The following RIMBP2 variants were observed in gnomAD, a reference collection of about 807,000 sequenced individuals.
The protein encoded by RIMBP2 is RIMS-binding protein 2.
In RIMBP2, 48 loss-of-function variants were observed where a neutral mutation model predicts 118.6. That is an observed-to-expected ratio of 0.40 (90% CI 0.32 to 0.51). The LOEUF (loss-of-function observed/expected upper bound fraction) is 0.51. Ranked by LOEUF, RIMBP2 falls within the 20% of genes least tolerant of loss-of-function variation. RIMBP2 has a pLI of 0.41. For missense variants in RIMBP2, 1,551 were observed against 1,768.3 expected (o/e 0.88, Z 2.20); for synonymous variants, 762 against 742.9 (o/e 1.03, Z -0.42).
chr12:130,657,700 C>CG (rs1255661130), intron 1 of RIMBP2: 4 of 76,354 alleles, frequency 5.2e-5, no homozygotes, highest in African/African-American at 9.1e-5. Flanking sequence ...GCCCCAGCTG[C>CG]GGGGGGCAGT....
At chr12:130,584,559 C>T (rs973074473) in intron 2 of RIMBP2, among the ~76,000 whole-genome samples, 5 of 151,960 alleles carry the variant, frequency 3.3e-5, no homozygotes, top group African/African-American at 1.2e-4. Flanking sequence ...ACATCACCAC[C>T]ATCACCTCAT....
chr12:130,424,396 C>T lies in RIMBP2; in HGVS notation c.2875G>A (p.Ala959Thr), dbSNP rs2076628996. 9.7e-6 allele frequency: 12 copies of T among 1,232,610 alleles called. No individual in the cohort carries two copies. In the South Asian group the frequency reaches 3.3e-4, roughly 34 times the overall value. The allele number at this position is 1,232,610 out of a possible 1,614,324, so 76.4% of individuals were successfully genotyped here. Residue 959 changes from alanine to threonine, a missense_variant, in exon 16 of 23, where the codon GCC becomes ACC. Around this residue, in one of 5 missense-constraint regions of RIMBP2, gnomAD observed 1,038 missense variants for 1,125.1 expected, o/e 0.92. Coordinates refer to ENST00000690449, the MANE Select transcript of RIMBP2 (RefSeq NM_001393629.1). This position sits in a 1 kb window ranked among gnomAD's most constrained non-coding sequence, Gnocchi z 9.8. ...TGCCGGGTCAGCGTCCGCCGCCGGG[C>T]CAGCAGCGGCCTCGGGCCCCTCCTG... ...PCRRGPRPLL[A>T]RRRTLTRQSS...
intron 1 of RIMBP2, among the ~76,000 whole-genome samples, chr12:130,634,555 A>G (rs1407072845): frequency 2.0e-5 from 3 of 151,480 alleles, no homozygotes; most frequent in Non-Finnish European, 2.9e-5. Context: ...AGCACGTCAC[A>G]TCATCCAATG....
rs916828480 is a variant in RIMBP2, at chr12:130,683,298, C to T, written c.-352+32924G>A. On this transcript the variant is annotated intron_variant, in intron 1 of 22. Coordinates refer to ENST00000690449, the MANE Select transcript of RIMBP2 (RefSeq NM_001393629.1). This position sits in a 1 kb window ranked among gnomAD's most constrained non-coding sequence, Gnocchi z 4.4. The stretch of plus-strand genomic sequence containing the variant: ...AAGGATGCCAAGGACAGCCGGGGAA[C>T]GCAGGGAGCCAGGCTCCCCACAGAG... Among the ~76,000 whole-genome samples, 7 of 152,176 alleles carry T rather than the reference C, an allele frequency of 4.6e-5. No homozygotes were observed. Among genetic ancestry groups the T allele is most frequent in the Admixed American group, 1.3e-4 (2 of 15,280 alleles).
intron 2 of RIMBP2, among the ~76,000 whole-genome samples, chr12:130,592,868 C>T (rs1415455636): frequency 6.6e-6 from 1 of 152,100 alleles, no homozygotes; most frequent in East Asian, 1.9e-4. Flanking sequence ...TGGTGAGGAT[C>T]CGGGCTGCGA....
intron 19 of RIMBP2, 100 bp downstream of exon 19, chr12:130,412,519 A>AT: frequency 9.2e-7 from 1 of 1,090,826 alleles, no homozygotes; most frequent in East Asian, 2.4e-5. Flanking sequence ...TATTTAAATG[A>AT]TGCAATTTGG....
intron 2 of RIMBP2, among the ~76,000 whole-genome samples, chr12:130,562,436 C>A (rs2056891193): frequency 6.6e-6 from 1 of 152,236 alleles, no homozygotes; most frequent in Non-Finnish European, 1.5e-5. Flanking sequence ...CTGGCTTCTA[C>A]TCTTTTCTGT....
intron 1 of RIMBP2, among the ~76,000 whole-genome samples, chr12:130,691,567 A>G (rs1167537574): frequency 6.6e-6 from 1 of 152,164 alleles, no homozygotes; most frequent in Non-Finnish European, 1.5e-5. Context: ...GCTACTTGGG[A>G]GGCTCAGATG....
intron 15 of RIMBP2, chr12:130,425,168 A>G (rs1176311246): frequency 3.8e-6 from 1 of 266,252 alleles, no homozygotes; most frequent in Middle Eastern, 1.1e-3. Context: ...ATCAGGCCCC[A>G]CAGTGCCCAC....
chr12:130,532,613 G>A (rs1369904113), intron 2 of RIMBP2, among the ~76,000 whole-genome samples: 1 of 144,452 alleles, frequency 6.9e-6, no homozygotes, highest in Non-Finnish European at 1.5e-5. Flanking sequence ...AATGAGATGC[G>A]TATGCTTAGC....
At chr12:130,589,593 C>G (rs2059130408) in intron 2 of RIMBP2, among the ~76,000 whole-genome samples, 1 of 152,142 alleles carries the variant, frequency 6.6e-6, no homozygotes, top group Non-Finnish European at 1.5e-5. Flanking sequence ...GGAGTGCCAG[C>G]CATGCCCAGT....
intron 1 of RIMBP2, among the ~76,000 whole-genome samples, chr12:130,680,647 C>A (rs147278234): frequency 6.6e-6 from 1 of 152,346 alleles, no homozygotes; most frequent in African/African-American, 2.4e-5. Flanking sequence ...AAGCATTTGG[C>A]AATGTCTGGG....
Position 130,683,228 on chromosome 12 carries a change from G to A in RIMBP2, c.-352+32994C>T, listed in dbSNP as rs911308259. ...CACACAGACACGGGAAAGCTCACAC[G>A]GATGGCAGTGGAACCAGAGGTCGGA... On this transcript the variant is annotated intron_variant, in intron 1 of 22. Coordinates refer to ENST00000690449, the MANE Select transcript of RIMBP2 (RefSeq NM_001393629.1). This position sits in a 1 kb window ranked among gnomAD's most constrained non-coding sequence, Gnocchi z 4.4. Among the ~76,000 whole-genome samples the A allele has an allele frequency of 1.3e-5, 2 of 152,274 alleles. No homozygotes were observed. The highest frequency in any genetic ancestry group is 1.9e-4 in the East Asian group (1 of 5,168).
chr12:130,438,663 G>C, intron 11 of RIMBP2, 147 bp from the exon 12 acceptor site: 2 of 324,038 alleles, frequency 6.2e-6, no homozygotes, highest in Non-Finnish European at 1.2e-5. Flanking sequence ...AAGCACATCA[G>C]AAACTGTGGT....
intron 1 of RIMBP2, among the ~76,000 whole-genome samples, chr12:130,649,609 G>A (rs141080713): frequency 1.2e-3 from 176 of 152,296 alleles, no homozygotes; most frequent in African/African-American, 3.8e-3. Flanking sequence ...GAGAGACAGC[G>A]CGGGCCACAT....
intron 19 of RIMBP2, among the ~76,000 whole-genome samples, chr12:130,408,815 A>G (rs1201305087): frequency 6.6e-6 from 1 of 152,210 alleles, no homozygotes; most frequent in Non-Finnish European, 1.5e-5. Flanking sequence ...ATCAAAGGCA[A>G]ATATCTCAAC....
chr12:130,566,376 G>A (rs1025289483), intron 2 of RIMBP2, among the ~76,000 whole-genome samples: 7 of 152,178 alleles, frequency 4.6e-5, no homozygotes, highest in East Asian at 1.9e-4. Context: ...TTAAGGAGGC[G>A]GAGATTAACT....
rs750761572 is a variant in RIMBP2 at position 130,451,293 on chromosome 12, G to A, written c.406C>T (p.Arg136Trp). 7 of 1,614,154 alleles carry A rather than the reference G, an allele frequency of 4.3e-6. No homozygotes were observed. Among genetic ancestry groups the A allele is most frequent in the East Asian group, 2.2e-5 (1 of 44,884 alleles). Residue 136 changes from arginine to tryptophan, a missense_variant, in exon 8 of 23, where the codon CGG (arginine) becomes TGG (tryptophan). Physicochemically the swap from Arg to Trp is moderately radical, Grantham distance 101. Around this residue, in one of 5 missense-constraint regions of RIMBP2, gnomAD observed 239 missense variants for 256.8 expected, o/e 0.93. Coordinates refer to ENST00000690449, the MANE Select transcript of RIMBP2 (RefSeq NM_001393629.1). ...GGSSAIGEYI[R>W]PLPQPGDRPE... is the part of the protein sequence containing the mutation. ...CTGTCACCAGGCTGCGGAAGGGGCCGGATATATTCACCGATCGCAGAGCTG... is the reference window on the plus strand; with the variant it reads ...CTGTCACCAGGCTGCGGAAGGGGCCAGATATATTCACCGATCGCAGAGCTG...
At chr12:130,602,660 C>A (rs1285812920) in intron 2 of RIMBP2, among the ~76,000 whole-genome samples, 1 of 152,120 alleles carries the variant, frequency 6.6e-6, no homozygotes, top group Non-Finnish European at 1.5e-5. Flanking sequence ...TTGTCTGATG[C>A]GTAAGTAACA....
Sources: allele counts gnomAD v4.1 joint callset (sites outside exome capture counted in the v4.1 genomes callset), GRCh38; gene constraint gnomAD v4.1.1; regional missense constraint gnomAD v4.1.1; non-coding constraint Gnocchi (gnomAD v3.1); transcripts MANE v1.5; gene names NCBI Gene and HGNC (gene_info 2026-07-23, HGNC 2026-07-21).